Variants in LINGO2 observed in about 807,000 individuals in gnomAD.
The protein encoded by LINGO2 is leucine rich repeat and Ig domain containing 2, also known as leucine-rich repeat and immunoglobulin-like domain-containing nogo receptor-interacting protein 2.
In LINGO2, 14 loss-of-function variants were observed where a neutral mutation model predicts 30.6. The observed-to-expected ratio is 0.46, with a 90% CI of 0.30 to 0.72. The LOEUF (loss-of-function observed/expected upper bound fraction) is 0.72. LINGO2 is among the 30% of genes least tolerant of loss of function. The pLI, the probability that LINGO2 is intolerant of heterozygous loss-of-function variation, is 0.07. For missense variants in LINGO2, 729 were observed against 751.7 expected (o/e 0.97, Z 0.35); for synonymous variants, 317 against 288.5 (o/e 1.10, Z -1.00).
At chr9:29,023,397 A>G in the LINGO2 span, among the ~76,000 whole-genome samples, 1 of 152,204 alleles carries the variant, frequency 6.6e-6, no homozygotes, top group East Asian at 1.9e-4. Context: ...TTTTTAGCAA[A>G]TTTCAATAAT....
intron 3 of LINGO2, among the ~76,000 whole-genome samples, chr9:28,369,558 T>C (rs1210322252): frequency 6.6e-6 from 1 of 152,158 alleles, no homozygotes; most frequent in Non-Finnish European, 1.5e-5. Context: ...CCTATTCTTA[T>C]CTCTCCTCTT....
chr9:28,068,653 T>TA (rs1193185777), intron 4 of LINGO2, among the ~76,000 whole-genome samples: 1 of 152,180 alleles, frequency 6.6e-6, no homozygotes, highest in Non-Finnish European at 1.5e-5. Context: ...AAATATACCA[T>TA]ACTTATTCGA....
chr9:29,128,143 G>C, the LINGO2 span, among the ~76,000 whole-genome samples: 1 of 152,036 alleles, frequency 6.6e-6, no homozygotes, highest in South Asian at 2.1e-4. Flanking sequence ...TGCCTCTCGA[G>C]GGAAAACATA....
intron 4 of LINGO2, among the ~76,000 whole-genome samples, chr9:28,284,370 G>A (rs1035226453): frequency 6.6e-6 from 1 of 152,116 alleles, no homozygotes; most frequent in African/African-American, 2.4e-5. Context: ...TGAGAAGACT[G>A]GACCAACCCA....
At chr9:29,206,799 A>G in the LINGO2 span, among the ~76,000 whole-genome samples, 2 of 152,194 alleles carry the variant, frequency 1.3e-5, no homozygotes, top group African/African-American at 4.8e-5. Flanking sequence ...ATGTACCATG[A>G]TATCCTGAAT....
chr9:29,076,724 C>T, the LINGO2 span, among the ~76,000 whole-genome samples: 6 of 151,268 alleles, frequency 4.0e-5, no homozygotes, highest in Non-Finnish European at 8.8e-5. Context: ...CTAATCCTAC[C>T]AACCTAACAC....
At chr9:28,131,469 C>G (rs1227845994) in intron 4 of LINGO2, among the ~76,000 whole-genome samples, 3 of 152,090 alleles carry the variant, frequency 2.0e-5, no homozygotes, top group Non-Finnish European at 4.4e-5. Flanking sequence ...TCTCACTCAT[C>G]TTTTTTATCT....
chr9:28,748,783 A>G, the LINGO2 span, among the ~76,000 whole-genome samples: 1 of 151,972 alleles, frequency 6.6e-6, no homozygotes, highest in Admixed American at 6.6e-5. Flanking sequence ...ATCTCCCTCC[A>G]AACCTTTAGC....
At chr9:28,489,640 C>T (rs1217699093) in intron 1 of LINGO2, among the ~76,000 whole-genome samples, 3 of 151,876 alleles carry the variant, frequency 2.0e-5, no homozygotes, top group Non-Finnish European at 4.4e-5. Context: ...TGGCTCACAC[C>T]TTAATCCCAG....
chr9:28,857,658 C>T, the LINGO2 span, among the ~76,000 whole-genome samples: 4 of 152,014 alleles, frequency 2.6e-5, no homozygotes, highest in South Asian at 8.3e-4. Flanking sequence ...AATGCCATAG[C>T]GATTAGCCAC....
the LINGO2 span, among the ~76,000 whole-genome samples, chr9:28,678,537 C>T: frequency 3.2e-3 from 485 of 152,190 alleles, 7 homozygotes; most frequent in African/African-American, 0.011. Flanking sequence ...ATCTTGAGTG[C>T]ATCGCTTGCT....
the LINGO2 span, chr9:27,940,793 G>C: frequency 6.6e-6 from 1 of 152,214 alleles, no homozygotes; most frequent in Non-Finnish European, 1.5e-5. Context: ...AGTCTTTAAG[G>C]TGCAGAGCTA....
At chr9:28,905,874 A>G in the LINGO2 span, among the ~76,000 whole-genome samples, 1 of 152,086 alleles carries the variant, frequency 6.6e-6, no homozygotes, top group African/African-American at 2.4e-5. Context: ...TCAGTGCAGC[A>G]CTACTCACAA....
rs545947522 is a variant in LINGO2 at position 28,645,943 on chromosome 9, G to T, written c.-365+24257C>A. 9.2e-5 allele frequency among the ~76,000 whole-genome samples: 14 copies of T among 152,150 alleles called. No individual in the cohort carries two copies. The South Asian group carries it at 2.9e-3, about 32-fold the overall frequency. On this transcript the variant is annotated intron_variant, in intron 1 of 5. Coordinates refer to ENST00000379992, the Ensembl canonical transcript of LINGO2. ...TTGAATACCAGGTCTCTTACTTACT[G>T]AGTTTAGTAATTTTAACTATTTACC... is the stretch of plus-strand genomic sequence containing the variant.
chr9:28,555,601 T>G (rs896612594), intron 1 of LINGO2, among the ~76,000 whole-genome samples: 28 of 152,146 alleles, frequency 1.8e-4, no homozygotes, highest in Non-Finnish European at 3.7e-4. Context: ...CTTCTGAAAC[T>G]ATTCCAATCA....
chr9:28,506,382 A>C (rs1254545528), intron 1 of LINGO2, among the ~76,000 whole-genome samples: 4 of 145,266 alleles, frequency 2.8e-5, no homozygotes, highest in African/African-American at 1.0e-4. Context: ...TCTAGTTTTA[A>C]TTGAGGGCTT....
the LINGO2 span, among the ~76,000 whole-genome samples, chr9:29,203,279 A>G: frequency 0.034 from 5,188 of 152,292 alleles, 106 homozygotes; most frequent in Non-Finnish European, 0.054. Flanking sequence ...AATTAAAACC[A>G]TGTACAGCCA....
At chr9:28,161,776 A>G (rs1828294304) in intron 4 of LINGO2, among the ~76,000 whole-genome samples, 1 of 152,094 alleles carries the variant, frequency 6.6e-6, no homozygotes, top group Non-Finnish European at 1.5e-5. Context: ...ATCATACTTC[A>G]GAAATTTTGC....
rs190725853 is a variant in LINGO2 at position 28,487,258 on chromosome 9, T to C, written c.-364-11233A>G. ...GAACACTGAAATCTTTTGATAAATA[T>C]TCTTTTAGTATGCTTTTCTCACCAC... is the stretch of plus-strand genomic sequence containing the variant. On this transcript the variant is annotated intron_variant, in intron 1 of 5. Coordinates refer to ENST00000379992, the Ensembl canonical transcript of LINGO2. 1.8e-3 allele frequency among the ~76,000 whole-genome samples: 271 copies of C among 152,280 alleles called. 1 individual carries two copies. The highest frequency in any genetic ancestry group is 5.4e-3 in the African/African-American group (224 of 41,576).
Sources: gnomAD v4.1 joint callset for allele counts (sites outside exome capture counted in the v4.1 genomes callset) on GRCh38, gnomAD v4.1.1 for gene constraint, MANE v1.5 for transcripts, NCBI Gene and HGNC (gene_info 2026-07-23, HGNC 2026-07-21) for gene names.